The following CACNA2D1 variants were observed in gnomAD, a reference collection of about 807,000 sequenced individuals.
CACNA2D1 encodes calcium voltage-gated channel auxiliary subunit alpha2delta 1, also known as voltage-dependent calcium channel subunit alpha-2/delta-1.
Under a neutral mutation model 171.5 loss-of-function variants are expected in CACNA2D1, and 53 were observed. The observed-to-expected ratio is 0.31, with a 90% CI of 0.25 to 0.39. The LOEUF (loss-of-function observed/expected upper bound fraction) is 0.39. Among genes scored for constraint, CACNA2D1 ranks in the 10% least tolerant of loss-of-function variants. CACNA2D1 has a pLI of 1.00. For missense variants in CACNA2D1, 903 were observed against 1,299.8 expected, an observed-to-expected ratio of 0.69 and a Z score of 4.69; for synonymous variants, 442 against 443.1, an observed-to-expected ratio of 1.00 and a Z score of 0.03.
intron 1 of CACNA2D1, among the ~76,000 whole-genome samples, chr7:82,427,399 T>C (rs908836131): frequency 6.6e-6 from 1 of 152,130 alleles, no homozygotes; most frequent in Non-Finnish European, 1.5e-5. Flanking sequence ...TAAAACCAAG[T>C]TTTTAAGAAA....
chr7:81,955,980 ATTTTTTTTTTTTTT>A lies in CACNA2D1; in HGVS notation c.3159+3281_3159+3294del, dbSNP rs1164601123. On this transcript the variant is annotated intron_variant, in intron 38 of 38. Coordinates refer to ENST00000356860, the MANE Select transcript of CACNA2D1 (RefSeq NM_000722.4). Reference sequence around the variant, plus strand: ...TGTTGCTATATATATATATATATATATTTTTTTTTTTTTTTTTTTTTTTTGGAAATGGAGTCTAG... The same window carrying A: ...TGTTGCTATATATATATATATATATATTTTTTTTTTGGAAATGGAGTCTAG... Among the ~76,000 whole-genome samples, 3 of 34,552 alleles carry A rather than the reference ATTTTTTTTTTTTTT, an allele frequency of 8.7e-5. 1 individual carries two copies. In the South Asian group the frequency reaches 4.6e-3, roughly 53 times the overall value. The allele number at this position is 34,552 out of a possible 152,430, so 22.7% of individuals were successfully genotyped here. A position where few individuals can be genotyped will look rare whatever the true frequency, so the allele number is the denominator to read the frequency against.
In CACNA2D1 at chr7:82,044,238, T is replaced by C. The variant is rs193191321; in HGVS notation, c.880-6003A>G. 1.9e-4 allele frequency among the ~76,000 whole-genome samples: 29 copies of C among 152,292 alleles called. No individual in the cohort carries two copies. The South Asian group carries it at 4.8e-3, about 25-fold the overall frequency. On this transcript the variant is annotated intron_variant, in intron 10 of 38. Coordinates refer to ENST00000356860, the MANE Select transcript of CACNA2D1 (RefSeq NM_000722.4). Reference sequence around the variant, plus strand: ...TCCCCTCAGAAAGACCGTTCTCCTATGTATGGATTCTAAATGTTTAAAGGC... The same window carrying C: ...TCCCCTCAGAAAGACCGTTCTCCTACGTATGGATTCTAAATGTTTAAAGGC...
intron 3 of CACNA2D1, among the ~76,000 whole-genome samples, chr7:82,284,072 G>A (rs965481408): frequency 2.6e-5 from 4 of 151,878 alleles, no homozygotes; most frequent in African/African-American, 9.7e-5. Context: ...GTGTGCACCT[G>A]TAGTCCCAGA....
At chr7:82,375,617 ACTT>A (rs1822935517) in intron 1 of CACNA2D1, among the ~76,000 whole-genome samples, 1 of 152,146 alleles carries the variant, frequency 6.6e-6, no homozygotes, top group Non-Finnish European at 1.5e-5. Flanking sequence ...TGCTTTCAAC[ACTT>A]CTTACAATTC....
chr7:82,128,844 TGC>T (rs1207433828), intron 5 of CACNA2D1, among the ~76,000 whole-genome samples: 7 of 152,112 alleles, frequency 4.6e-5, no homozygotes, highest in Non-Finnish European at 1.0e-4. Context: ...TTCCCCTGAA[TGC>T]TGGTGTTCTG....
intron 3 of CACNA2D1, among the ~76,000 whole-genome samples, chr7:82,314,981 T>C (rs1395952824): frequency 1.6e-4 from 23 of 148,136 alleles, no homozygotes; most frequent in African/African-American, 3.5e-4. Flanking sequence ...TTATCTTTTT[T>C]TTTTTTTTTT....
At chr7:82,286,148 C>A (rs1162504808) in intron 3 of CACNA2D1, among the ~76,000 whole-genome samples, 1 of 151,950 alleles carries the variant, frequency 6.6e-6, no homozygotes, top group Non-Finnish European at 1.5e-5. Flanking sequence ...GTGTGTCTGC[C>A]AGTAGCTTTT....
intron 6 of CACNA2D1, among the ~76,000 whole-genome samples, chr7:82,100,683 G>A (rs73381523): frequency 6.6e-6 from 1 of 152,152 alleles, no homozygotes; most frequent in African/African-American, 2.4e-5. Context: ...CATATATGAA[G>A]TGTATACACA....
chr7:82,202,448 C>T (rs1048953384), intron 3 of CACNA2D1, among the ~76,000 whole-genome samples: 5 of 152,016 alleles, frequency 3.3e-5, no homozygotes, highest in Non-Finnish European at 5.9e-5. Context: ...TTGTGGTGGC[C>T]GGTGGCAGCT....
chr7:82,368,087 G>T (rs192138706), intron 1 of CACNA2D1, among the ~76,000 whole-genome samples: 1 of 152,070 alleles, frequency 6.6e-6, no homozygotes, highest in Non-Finnish European at 1.5e-5. Flanking sequence ...TCTGTCCCCC[G>T]ACACCAGCTT....
chr7:81,979,950 A>G (rs1297324329), intron 24 of CACNA2D1, among the ~76,000 whole-genome samples: 2 of 151,958 alleles, frequency 1.3e-5, no homozygotes, highest in African/African-American at 4.8e-5. Flanking sequence ...TCTGTTGAGG[A>G]AAGTAAATAA....
At chr7:82,146,702 T>C (rs1386885908) in intron 4 of CACNA2D1, among the ~76,000 whole-genome samples, 1 of 150,898 alleles carries the variant, frequency 6.6e-6, no homozygotes, top group East Asian at 1.9e-4. Context: ...CTATTACAAA[T>C]TCGGCCAGGC....
chr7:81,970,218 G>T (rs1795126037), intron 27 of CACNA2D1, among the ~76,000 whole-genome samples: 1 of 151,364 alleles, frequency 6.6e-6, no homozygotes, highest in African/African-American at 2.4e-5. Flanking sequence ...TACTAGTCAG[G>T]TAACAGGACA....
intron 3 of CACNA2D1, among the ~76,000 whole-genome samples, chr7:82,225,764 T>C (rs1223300457): frequency 1.3e-5 from 2 of 152,174 alleles, no homozygotes; most frequent in Non-Finnish European, 2.9e-5. Context: ...CAGTCATTTT[T>C]TGAAGGAAGA....
At chr7:82,168,691 AAAT>A (rs1057062393) in intron 4 of CACNA2D1, among the ~76,000 whole-genome samples, 91 of 141,232 alleles carry the variant, frequency 6.4e-4, no homozygotes, top group Middle Eastern at 3.5e-3. Flanking sequence ...AGAAATTAAT[AAAT>A]AATAGTTAAA....
At chr7:82,173,359 T>G (rs1318357912) in intron 3 of CACNA2D1, among the ~76,000 whole-genome samples, 2 of 152,046 alleles carry the variant, frequency 1.3e-5, no homozygotes, top group Non-Finnish European at 2.9e-5. Flanking sequence ...AGGCATGAAG[T>G]TATGTATACC....
chr7:82,381,882 G>C (rs576242792), intron 1 of CACNA2D1, among the ~76,000 whole-genome samples: 37 of 152,150 alleles, frequency 2.4e-4, no homozygotes, highest in African/African-American at 8.9e-4. Flanking sequence ...ATTTGCATTT[G>C]CCTTTTTCCA....
intron 6 of CACNA2D1, among the ~76,000 whole-genome samples, chr7:82,093,071 T>C (rs1039655613): frequency 5.3e-5 from 8 of 152,150 alleles, no homozygotes; most frequent in Non-Finnish European, 1.0e-4. Flanking sequence ...GTGGTATTTT[T>C]AAAATGAGCA....
chr7:82,149,349 C>A (rs62462960), intron 4 of CACNA2D1, among the ~76,000 whole-genome samples: 40,236 of 151,880 alleles, frequency 0.26, 5,652 homozygotes, highest in East Asian at 0.39. Flanking sequence ...ATTTGAGCAT[C>A]ATTTATTTGG....
Sources: allele counts gnomAD v4.1 joint callset (sites outside exome capture counted in the v4.1 genomes callset), GRCh38; gene constraint gnomAD v4.1.1; transcripts MANE v1.5; gene names NCBI Gene and HGNC (gene_info 2026-07-23, HGNC 2026-07-21).